FNDC3A: variants seen among roughly 807,000 people sequenced by gnomAD.
FNDC3A encodes fibronectin type III domain containing 3A, also known as fibronectin type-III domain-containing protein 3A.
A neutral mutation model predicts 148.9 loss-of-function variants in FNDC3A; 32 were observed. The observed-to-expected ratio is 0.21, with a 90% CI of 0.16 to 0.29. The LOEUF (loss-of-function observed/expected upper bound fraction) is 0.29, where lower values mean the gene tolerates loss of function less well. Ranked by LOEUF, FNDC3A falls within the 10% of genes least tolerant of loss-of-function variation. The pLI, the probability that FNDC3A is intolerant of heterozygous loss-of-function variation, is 1.00. For missense variants in FNDC3A, 1,191 were observed against 1,452.8 expected, an observed-to-expected ratio of 0.82 and a Z score of 2.93; for synonymous variants, 472 against 473.6, an observed-to-expected ratio of 1.00 and a Z score of 0.04.
intron 2 of FNDC3A, among the ~76,000 whole-genome samples, chr13:49,074,077 C>T (rs1178286226): frequency 6.6e-6 from 1 of 151,934 alleles, no homozygotes; most frequent in East Asian, 1.9e-4. Context: ...TATTATAAAA[C>T]CCTTTCTGTT....
At chr13:49,188,037 A>C (rs987250232) in intron 16 of FNDC3A, among the ~76,000 whole-genome samples, 1 of 152,214 alleles carries the variant, frequency 6.6e-6, no homozygotes, top group African/African-American at 2.4e-5. Flanking sequence ...AACTCACATC[A>C]TACTAGTTTT....
chr13:49,204,381 C>T (rs1229755480), intron 25 of FNDC3A, among the ~76,000 whole-genome samples: 1 of 151,848 alleles, frequency 6.6e-6, no homozygotes, highest in Non-Finnish European at 1.5e-5. Flanking sequence ...TTCATTGTGT[C>T]TTATATTTTC....
intron 3 of FNDC3A, among the ~76,000 whole-genome samples, chr13:49,102,552 T>C (rs900730555): frequency 1.3e-5 from 2 of 152,212 alleles, no homozygotes; most frequent in Non-Finnish European, 2.9e-5. Context: ...ATACCCTTAC[T>C]ATTCTCCCAT....
At chr13:49,031,590 T>C (rs1423337055) in intron 2 of FNDC3A, among the ~76,000 whole-genome samples, 2 of 152,114 alleles carry the variant, frequency 1.3e-5, no homozygotes, top group Non-Finnish European at 2.9e-5. Context: ...CATGTAAAAG[T>C]ATGAAATAGG....
chr13:48,985,612 G>A lies in FNDC3A; in HGVS notation c.-40+9435G>A, dbSNP rs74742613. On this transcript the variant is annotated intron_variant, in intron 1 of 25. Coordinates refer to ENST00000492622, the MANE Select transcript of FNDC3A (RefSeq NM_001079673.2). ...CTTAAGATATTTTACATGAAAGGGC[G>A]AGATACAATATAATACATACACAAA... 1.1e-3 allele frequency among the ~76,000 whole-genome samples: 161 copies of A among 152,166 alleles called. 1 individual carries two copies. Among genetic ancestry groups the A allele is most frequent in the African/African-American group, 3.6e-3 (148 of 41,484 alleles).
chr13:49,017,659 T>G (rs930320504), intron 2 of FNDC3A, among the ~76,000 whole-genome samples: 12 of 152,178 alleles, frequency 7.9e-5, no homozygotes, highest in East Asian at 1.9e-4. Context: ...GTTAGCTGGT[T>G]ATTTTGCTCA....
chr13:49,035,915 T>G (rs1340794099), intron 2 of FNDC3A, among the ~76,000 whole-genome samples: 2 of 152,150 alleles, frequency 1.3e-5, no homozygotes, highest in African/African-American at 4.8e-5. Flanking sequence ...GATAATATTC[T>G]TATCTTTTAT....
At chr13:48,978,811 T>C (rs1473003839) in intron 1 of FNDC3A, among the ~76,000 whole-genome samples, 2 of 152,310 alleles carry the variant, frequency 1.3e-5, no homozygotes, top group Non-Finnish European at 2.9e-5. Context: ...ACAAGAAATA[T>C]GGCTCCCATA....
intron 1 of FNDC3A, among the ~76,000 whole-genome samples, chr13:48,993,304 T>G (rs1272975284): frequency 1.3e-5 from 2 of 152,166 alleles, no homozygotes; most frequent in African/African-American, 2.4e-5. Flanking sequence ...TGGGAACTTA[T>G]TAGAGATGTG....
intron 17 of FNDC3A, among the ~76,000 whole-genome samples, chr13:49,189,992 T>G (rs745399860): frequency 5.9e-5 from 9 of 152,168 alleles, no homozygotes; most frequent in Non-Finnish European, 1.3e-4. Context: ...GTTCACACCA[T>G]TCTCCTGCCT....
At chr13:49,110,854 CTTCT>C (rs1417383410) in intron 3 of FNDC3A, among the ~76,000 whole-genome samples, 1 of 152,130 alleles carries the variant, frequency 6.6e-6, no homozygotes, top group Non-Finnish European at 1.5e-5. Context: ...GTTGAAATAT[CTTCT>C]TTAAGTCAGT....
intron 2 of FNDC3A, among the ~76,000 whole-genome samples, chr13:49,024,706 A>C (rs1873573692): frequency 6.6e-6 from 1 of 151,966 alleles, no homozygotes; most frequent in Non-Finnish European, 1.5e-5. Flanking sequence ...AAAAACCCTC[A>C]ATAAATTAGG....
intron 3 of FNDC3A, among the ~76,000 whole-genome samples, chr13:49,096,839 G>A (rs1404741228): frequency 6.6e-6 from 1 of 152,136 alleles, no homozygotes; most frequent in East Asian, 1.9e-4. Flanking sequence ...ACCTGAGCAA[G>A]CATAGGGAAG....
intron 3 of FNDC3A, among the ~76,000 whole-genome samples, chr13:49,100,269 A>G (rs2137836405): frequency 6.6e-6 from 1 of 152,266 alleles, no homozygotes; most frequent in South Asian, 2.1e-4. Context: ...CAGTCAATAA[A>G]GAAACATACC....
At chr13:49,134,355 A>G (rs1882207430) in intron 5 of FNDC3A, among the ~76,000 whole-genome samples, 1 of 152,148 alleles carries the variant, frequency 6.6e-6, no homozygotes, top group Non-Finnish European at 1.5e-5. Flanking sequence ...TTCAAAGTTC[A>G]TGTTCTCACA....
chr13:49,179,335 C>T (rs1219146232), intron 14 of FNDC3A, among the ~76,000 whole-genome samples: 2 of 152,166 alleles, frequency 1.3e-5, no homozygotes, highest in Non-Finnish European at 2.9e-5. Context: ...TGTCTTATTA[C>T]TGGTAGTCAC....
At chr13:49,025,599 T>C (rs1258141312) in intron 2 of FNDC3A, among the ~76,000 whole-genome samples, 1 of 152,090 alleles carries the variant, frequency 6.6e-6, no homozygotes, top group Non-Finnish European at 1.5e-5. Flanking sequence ...TGAGTGCTAA[T>C]TGTATAAGGA....
At chr13:49,089,754 G>C (rs1222741401) in intron 3 of FNDC3A, among the ~76,000 whole-genome samples, 1 of 151,998 alleles carries the variant, frequency 6.6e-6, no homozygotes, top group Non-Finnish European at 1.5e-5. Flanking sequence ...TTCTTTTTTT[G>C]CCTTATGAGA....
In FNDC3A at chr13:49,174,680, A is replaced by T. The variant is rs529722875; in HGVS notation, c.1355+121A>T. On this transcript the variant is annotated intron_variant, in intron 12 of 25. Transcript: ENST00000492622. Reference sequence around the variant, plus strand: ...TTCTGCTTAGTTTATCTCTTTGTTGATATAGTTAAGATGTGTTACCAGTCT... The same window carrying T: ...TTCTGCTTAGTTTATCTCTTTGTTGTTATAGTTAAGATGTGTTACCAGTCT... 29 of 878,060 alleles carry T rather than the reference A, an allele frequency of 3.3e-5. No homozygotes were observed. In the African/African-American group the frequency reaches 3.6e-4, roughly 11 times the overall value. The allele number at this position is 878,060 out of a possible 1,614,324, so 54.4% of individuals were successfully genotyped here.
Sources: gnomAD v4.1 joint callset for allele counts (sites outside exome capture counted in the v4.1 genomes callset) on GRCh38, gnomAD v4.1.1 for gene constraint, MANE v1.5 for transcripts, NCBI Gene and HGNC (gene_info 2026-07-23, HGNC 2026-07-21) for gene names.